Variants in FBN1 observed in about 807,000 individuals in gnomAD.
FBN1 encodes the protein fibrillin-1.
A neutral mutation model predicts 365.1 loss-of-function variants in FBN1; 29 were observed. The ratio of observed to expected loss-of-function variants is 0.08; its 90% confidence interval spans 0.06 to 0.11. The LOEUF is 0.11. FBN1 is among the 10% of genes least tolerant of loss of function. The pLI is 1.00. For missense variants in FBN1, 2,476 were observed against 3,703.2 expected (o/e 0.67, Z 8.60); for synonymous variants, 1,210 against 1,270.5 (o/e 0.95, Z 1.01).
chr15:48,637,021 G>A (rs1010055946), intron 2 of FBN1, among the ~76,000 whole-genome samples: 3 of 152,148 alleles, frequency 2.0e-5, no homozygotes, highest in Non-Finnish European at 4.4e-5. Flanking sequence ...CAATGACTTC[G>A]TGTATGGTAA....
At position 48,467,794 on chromosome 15, in the gene FBN1, G is replaced by A. The variant is rs1017524356; in HGVS notation, c.4747+144C>T. On this transcript the variant is annotated intron_variant, in intron 38 of 65. Transcript: ENST00000316623. ...CAACCAGGAATATTTTCTGACTCTC[G>A]AATTGGGAATAAGGTCCCCTCTACA... 3 of 770,734 alleles carry A rather than the reference G, an allele frequency of 3.9e-6. No individual in the cohort carries two copies. In the Admixed American group the frequency reaches 6.1e-5, roughly 16 times the overall value. The allele number at this position is 770,734 out of a possible 1,614,324, so 47.7% of individuals were successfully genotyped here. A position where few individuals can be genotyped will look rare whatever the true frequency, so the allele number is the denominator to read the frequency against.
chr15:48,465,636 G>GTGT lies in FBN1; in HGVS notation c.4871_4873dup (p.Asn1624dup). ...ACAGCGGCACTGGAAACTCCCAAAGGTGTTGATACATTTTCCTCCTTGGCA... is the reference window on the plus strand; with the variant it reads ...ACAGCGGCACTGGAAACTCCCAAAGGTGTTGTTGATACATTTTCCTCCTTGGCA... On this transcript the variant is annotated inframe_insertion, in exon 40 of 66. Coordinates refer to ENST00000316623, the MANE Select transcript of FBN1 (RefSeq NM_000138.5). The GTGT allele has an allele frequency of 6.2e-7, 1 of 1,614,022 alleles. No individual in the cohort carries two copies. Among genetic ancestry groups the GTGT allele is most frequent in the Non-Finnish European group, 8.5e-7 (1 of 1,179,944 alleles).
rs772287755 is a variant in FBN1, at chr15:48,427,721, G to A, written c.7050C>T (p.Ile2350=). 68 of 1,613,948 alleles carry A rather than the reference G, an allele frequency of 4.2e-5. No individual in the cohort carries two copies. The highest frequency in any genetic ancestry group is 5.3e-5 in the Non-Finnish European group (62 of 1,179,994). Residue 2350 remains isoleucine, a synonymous_variant, in exon 58 of 66, where the codon ATC becomes ATT. Transcript: ENST00000316623. The stretch of plus-strand genomic sequence containing the variant: ...TGACGGGGTTCCTGTTGCTGGAGCC[G>A]ATCTGACACATGTTTTGTAGCACCT... ...FTEVLQNMCQ[I]GSSNRNPVTK...
chr15:48,478,517 G>A (rs1007132133), intron 32 of FBN1, among the ~76,000 whole-genome samples: 1 of 152,086 alleles, frequency 6.6e-6, no homozygotes, highest in Non-Finnish European at 1.5e-5. Flanking sequence ...ATGATGGGAG[G>A]TAGGGTCTTA....
intron 55 of FBN1, among the ~76,000 whole-genome samples, chr15:48,432,663 A>T (rs537781398): frequency 6.6e-6 from 1 of 152,270 alleles, no homozygotes; most frequent in East Asian, 1.9e-4. Flanking sequence ...CTAATAAAGG[A>T]TGTGCAGTGC....
chr15:48,520,946 C>A, intron 9 of FBN1, 129 bp from the exon 10 acceptor site: 1 of 1,263,758 alleles, frequency 7.9e-7, no homozygotes, highest in African/African-American at 1.5e-5. Flanking sequence ...CTCTGCCCCC[C>A]GGAAGGGAAG....
intron 6 of FBN1, among the ~76,000 whole-genome samples, chr15:48,582,218 AT>A (rs2044399232): frequency 6.6e-6 from 1 of 152,200 alleles, no homozygotes; most frequent in Non-Finnish European, 1.5e-5. Flanking sequence ...TCATTTGTTC[AT>A]TTTTCCAGTC....
chr15:48,616,736 A>G (rs916842119), intron 2 of FBN1, among the ~76,000 whole-genome samples: 5 of 152,198 alleles, frequency 3.3e-5, no homozygotes, highest in African/African-American at 1.2e-4. Context: ...TCCAACACAC[A>G]CACACAAAGT....
At chr15:48,515,800 A>G (rs1349395325) in intron 11 of FBN1, among the ~76,000 whole-genome samples, 1 of 152,176 alleles carries the variant, frequency 6.6e-6, no homozygotes, top group Non-Finnish European at 1.5e-5. Flanking sequence ...CAGAAATAAC[A>G]AAGGCAGAGA....
chr15:48,621,906 G>A (rs887957117), intron 2 of FBN1, among the ~76,000 whole-genome samples: 7 of 151,696 alleles, frequency 4.6e-5, no homozygotes, highest in Non-Finnish European at 8.8e-5. Flanking sequence ...GCTGAGGCAG[G>A]AGAATGGTGT....
intron 6 of FBN1, among the ~76,000 whole-genome samples, chr15:48,593,426 T>A (rs190196392): frequency 9.8e-5 from 15 of 152,334 alleles, no homozygotes; most frequent in Admixed American, 9.1e-4. Context: ...AAAACATTCC[T>A]CCTTTTTGCA....
chr15:48,471,229 G>A (rs553995489), intron 35 of FBN1, among the ~76,000 whole-genome samples: 44 of 152,034 alleles, frequency 2.9e-4, no homozygotes, highest in Non-Finnish European at 4.7e-4. Context: ...CTTTGTTGAC[G>A]GAGATTGGAA....
At chr15:48,503,130 T>C (rs2043675849) in intron 17 of FBN1, among the ~76,000 whole-genome samples, 1 of 151,640 alleles carries the variant, frequency 6.6e-6, no homozygotes. Context: ...AAACCTCGTC[T>C]CTACTAAAAA....
intron 2 of FBN1, among the ~76,000 whole-genome samples, chr15:48,637,346 C>G (rs546370518): frequency 1.7e-4 from 26 of 152,292 alleles, no homozygotes; most frequent in African/African-American, 6.3e-4. Context: ...TTGCCTTTCA[C>G]AACATCAGTG....
At chr15:48,559,589 A>G (rs929937437) in intron 6 of FBN1, among the ~76,000 whole-genome samples, 6 of 152,170 alleles carry the variant, frequency 3.9e-5, no homozygotes, top group Non-Finnish European at 7.4e-5. Context: ...GCCTGTGTCT[A>G]TGTGAACTAA....
intron 6 of FBN1, among the ~76,000 whole-genome samples, chr15:48,585,103 T>C (rs2044425326): frequency 1.3e-5 from 2 of 152,240 alleles, no homozygotes; most frequent in African/African-American, 4.8e-5. Flanking sequence ...TGTATGTTTA[T>C]AAAAACATTT....
chr15:48,555,000 G>A lies in FBN1; in HGVS notation c.539-17192C>T, dbSNP rs557723979. On this transcript the variant is annotated intron_variant, in intron 6 of 65. Transcript: ENST00000316623. ...ATACCCAACATGCATCATTTAATTG[G>A]TTTCTTCAACGTGAGACAGAATAAG... Among the ~76,000 whole-genome samples, 8 of 152,182 alleles carry A rather than the reference G, an allele frequency of 5.3e-5. No individual in the cohort carries two copies. The South Asian group carries it at 1.7e-3, about 32-fold the overall frequency.
chr15:48,628,875 T>C (rs976107428), intron 2 of FBN1, among the ~76,000 whole-genome samples: 6 of 151,940 alleles, frequency 3.9e-5, no homozygotes, highest in Non-Finnish European at 1.5e-5. Flanking sequence ...TCCCTCCTAA[T>C]GGAAGGACAC....
chr15:48,541,953 T>G (rs988131341), intron 6 of FBN1, among the ~76,000 whole-genome samples: 1 of 152,222 alleles, frequency 6.6e-6, no homozygotes, highest in Non-Finnish European at 1.5e-5. Flanking sequence ...AAAATTAAAG[T>G]GCGACTCTAA....
Sources: gnomAD v4.1 joint callset for allele counts (sites outside exome capture counted in the v4.1 genomes callset) on GRCh38, gnomAD v4.1.1 for gene constraint, MANE v1.5 for transcripts, NCBI Gene and HGNC (gene_info 2026-07-23, HGNC 2026-07-21) for gene names.